Variants in PAPPA2 observed in about 807,000 individuals in gnomAD.
The protein encoded by PAPPA2 is pappalysin-2.
A neutral mutation model predicts 176.4 loss-of-function variants in PAPPA2; 86 were observed. The ratio of observed to expected loss-of-function variants is 0.49; its 90% CI spans 0.41 to 0.58. The LOEUF (loss-of-function observed/expected upper bound fraction) is 0.58. PAPPA2 is among the 20% of genes least tolerant of loss of function. The probability of loss-of-function intolerance (pLI) is 0.00; values close to 1 mark genes in which losing one functional copy is unlikely to be tolerated. For missense variants in PAPPA2, 2,073 were observed against 2,256.9 expected (o/e 0.92, Z 1.65); for synonymous variants, 809 against 852.2 (o/e 0.95, Z 0.88).
intron 21 of PAPPA2, among the ~76,000 whole-genome samples, chr1:176,807,438 A>T (rs907776977): frequency 6.6e-6 from 1 of 152,128 alleles, no homozygotes; most frequent in African/African-American, 2.4e-5. Flanking sequence ...TTTAGAAAAA[A>T]AGAAGTTGAA....
chr1:176,678,357 C>T (rs1189813210), intron 4 of PAPPA2, among the ~76,000 whole-genome samples: 2 of 151,574 alleles, frequency 1.3e-5, no homozygotes, highest in Non-Finnish European at 2.9e-5. Flanking sequence ...AATTTACTTT[C>T]GTAAGTGTCT....
chr1:176,765,884 G>T (rs765159151), intron 15 of PAPPA2, 47 bp downstream of exon 15: 2 of 1,597,200 alleles, frequency 1.3e-6, no homozygotes, highest in South Asian at 2.3e-5. Flanking sequence ...CTGGGAAGGG[G>T]AGGTATTCAC....
chr1:176,611,594 C>T (rs2102678352), intron 3 of PAPPA2, among the ~76,000 whole-genome samples: 1 of 152,248 alleles, frequency 6.6e-6, no homozygotes, highest in South Asian at 2.1e-4. Context: ...GATAAAATCA[C>T]ATTTTTTTCT....
chr1:176,739,810 G>C (rs764530940), intron 13 of PAPPA2, 49 bp downstream of exon 13: 3 of 1,601,246 alleles, frequency 1.9e-6, no homozygotes, highest in Non-Finnish European at 2.6e-6. Context: ...CAACCCGGTA[G>C]ACCCAGAAGT....
At chr1:176,825,290 T>C (rs1370959391) in intron 21 of PAPPA2, among the ~76,000 whole-genome samples, 1 of 152,252 alleles carries the variant, frequency 6.6e-6, no homozygotes, top group Admixed American at 6.5e-5. Context: ...GATTGTGTTT[T>C]ATAGGTACCT....
intron 3 of PAPPA2, among the ~76,000 whole-genome samples, chr1:176,596,362 C>G (rs1286887979): frequency 1.3e-5 from 2 of 152,280 alleles, no homozygotes; most frequent in Middle Eastern, 3.4e-3. Context: ...TGATTCTGTT[C>G]CATTGAACAG....
chr1:176,800,493 T>G (rs1665636066), intron 21 of PAPPA2, among the ~76,000 whole-genome samples: 1 of 152,222 alleles, frequency 6.6e-6, no homozygotes, highest in Non-Finnish European at 1.5e-5. Context: ...GCCAGCACAA[T>G]GTCTAAAACC....
intron 21 of PAPPA2, among the ~76,000 whole-genome samples, chr1:176,820,699 C>A (rs772113425): frequency 6.6e-6 from 1 of 152,104 alleles, no homozygotes; most frequent in Non-Finnish European, 1.5e-5. Context: ...TCTCCTACAC[C>A]CACAGCATGT....
chr1:176,617,724 C>A (rs1281964773), intron 3 of PAPPA2, among the ~76,000 whole-genome samples: 5 of 151,894 alleles, frequency 3.3e-5, no homozygotes, highest in Non-Finnish European at 7.4e-5. Flanking sequence ...CATATTTTTG[C>A]AATTGCAAAT....
chr1:176,739,558 A>G, intron 12 of PAPPA2, 68 bp from the exon 13 acceptor site: 2 of 1,488,618 alleles, frequency 1.3e-6, no homozygotes, highest in Admixed American at 2.2e-5. Context: ...AAGAATAAAA[A>G]TTGTATAGCA....
At chr1:176,666,007 T>TG (rs1658621256) in intron 3 of PAPPA2, among the ~76,000 whole-genome samples, 2 of 152,140 alleles carry the variant, frequency 1.3e-5, no homozygotes, top group Admixed American at 1.3e-4. Context: ...GTTCGAATAG[T>TG]GACAGTGCTT....
intron 3 of PAPPA2, among the ~76,000 whole-genome samples, chr1:176,634,296 A>G (rs1474353936): frequency 6.6e-6 from 1 of 152,158 alleles, no homozygotes; most frequent in African/African-American, 2.4e-5. Context: ...TTGTAGGGAC[A>G]TGGGTGAGCT....
At chr1:176,809,383 T>C (rs1307832955) in intron 21 of PAPPA2, among the ~76,000 whole-genome samples, 1 of 152,198 alleles carries the variant, frequency 6.6e-6, no homozygotes, top group Non-Finnish European at 1.5e-5. Flanking sequence ...GTTGTATTGT[T>C]TTTACACATT....
At chr1:176,747,346 C>A (rs530639389) in intron 14 of PAPPA2, among the ~76,000 whole-genome samples, 1 of 152,040 alleles carries the variant, frequency 6.6e-6, no homozygotes, top group East Asian at 1.9e-4. Context: ...AGTAGGTTAC[C>A]AAGGGGAAAA....
At chr1:176,563,893 C>T (rs1369570648) in intron 2 of PAPPA2, among the ~76,000 whole-genome samples, 1 of 152,172 alleles carries the variant, frequency 6.6e-6, no homozygotes, top group Non-Finnish European at 1.5e-5. Flanking sequence ...CAGTCATTGA[C>T]TTTGGCTGGA....
chr1:176,716,021 G>T (rs1661352638), intron 12 of PAPPA2, among the ~76,000 whole-genome samples: 1 of 150,764 alleles, frequency 6.6e-6, no homozygotes, highest in South Asian at 2.1e-4. Flanking sequence ...ACTTCAAACA[G>T]GTTGAGGTTA....
intron 3 of PAPPA2, among the ~76,000 whole-genome samples, chr1:176,657,243 G>A (rs1445370315): frequency 6.6e-6 from 1 of 151,932 alleles, no homozygotes; most frequent in East Asian, 1.9e-4. Context: ...AAGTTATCCT[G>A]GAGATAGGCA....
chr1:176,490,737 C>T (rs1647244788), intron 1 of PAPPA2, among the ~76,000 whole-genome samples: 1 of 152,140 alleles, frequency 6.6e-6, no homozygotes, highest in Non-Finnish European at 1.5e-5. Flanking sequence ...TCAGTTCTCC[C>T]TAGTGTGGAC....
At chr1:176,617,761 AGT>A (rs1558475513) in intron 3 of PAPPA2, among the ~76,000 whole-genome samples, 1 of 152,030 alleles carries the variant, frequency 6.6e-6, no homozygotes, top group Non-Finnish European at 1.5e-5. Context: ...TGTGTGTGCA[AGT>A]GTATTTTTCA....
Sources: allele counts gnomAD v4.1 joint callset (sites outside exome capture counted in the v4.1 genomes callset), GRCh38; gene constraint gnomAD v4.1.1; transcripts MANE v1.5; gene names NCBI Gene and HGNC (gene_info 2026-07-23, HGNC 2026-07-21).